The following THSD7A variants were observed in gnomAD, a reference collection of about 807,000 sequenced individuals.
THSD7A encodes thrombospondin type 1 domain containing 7A.
In THSD7A, 96 loss-of-function variants were observed where a neutral mutation model predicts 231.3. That is an observed-to-expected ratio of 0.41 (90% confidence interval 0.35 to 0.49). THSD7A has a LOEUF of 0.49. Among genes scored for constraint, THSD7A ranks in the 20% least tolerant of loss-of-function variants. The probability of loss-of-function intolerance (pLI) is 0.05; values close to 1 mark genes in which losing one functional copy is unlikely to be tolerated. For missense variants in THSD7A, 2,290 were observed against 2,070.2 expected (o/e 1.11, Z -2.06); for synonymous variants, 940 against 743.3 (o/e 1.26, Z -4.30).
At chr7:11,597,584 T>C (rs573297137) in intron 2 of THSD7A, among the ~76,000 whole-genome samples, 1 of 152,250 alleles carries the variant, frequency 6.6e-6, no homozygotes, top group African/African-American at 2.4e-5. Context: ...CCTCTAGGAT[T>C]TTGGAACAAG....
At chr7:11,440,345 T>A (rs1784764226) in intron 13 of THSD7A, among the ~76,000 whole-genome samples, 1 of 152,064 alleles carries the variant, frequency 6.6e-6, no homozygotes, top group African/African-American at 2.4e-5. Flanking sequence ...TAACACAATA[T>A]CTATTCTGCA....
At chr7:11,642,015 C>T (rs1782102057) in intron 1 of THSD7A, among the ~76,000 whole-genome samples, 1 of 152,148 alleles carries the variant, frequency 6.6e-6, no homozygotes, top group South Asian at 2.1e-4. Context: ...AAAGGGACCA[C>T]ATCTAAAAAT....
At position 11,636,421 on chromosome 7, in the gene THSD7A, C is replaced by G; in HGVS notation, c.731G>C (p.Ser244Thr). The change falls in exon 2 of 28, where the codon AGT becomes ACT. Residue 244 changes from serine (S) to threonine (T), a missense_variant. Physicochemically the swap from Ser to Thr is moderately conservative, Grantham distance 58 (BLOSUM62 1). Coordinates refer to ENST00000423059, the MANE Select transcript of THSD7A (RefSeq NM_015204.3). This position sits in a 1 kb window ranked among gnomAD's most constrained non-coding sequence, Gnocchi z 10.0. ...CCTGAGCTCCTCGGCCTCGCATGGA[C>G]TGGATTGGCACACCTGGAACTCCGT... ...NLTEFQVCQSSPCEAEELRYS... is the reference protein window; with the variant it reads ...NLTEFQVCQSTPCEAEELRYS... 1.2e-6 allele frequency: 2 copies of G among 1,613,710 alleles called. No homozygotes were observed. The highest frequency in any genetic ancestry group is 1.7e-6 in the Non-Finnish European group (2 of 1,179,854).
rs755774138 is a variant in THSD7A at position 11,462,082 on chromosome 7, C to G, written c.2430G>C (p.Gly810=). ...HRVIIQLPAN[G]GRDCTDPLYE... ...AGAGGGGATCTGTGCAGTCTCGGCC[C>G]CCGTTGGCTGGCAGCTGAATGATGA... The change falls in exon 10 of 28, where the codon GGG becomes GGC. Residue 810 remains glycine (G), a synonymous_variant. Transcript: ENST00000423059. The G allele has an allele frequency of 2.5e-6, 4 of 1,613,792 alleles. No homozygotes were observed. The highest frequency in any genetic ancestry group is 3.4e-6 in the Non-Finnish European group (4 of 1,179,766).
At chr7:11,658,826 A>C (rs1476952356) in intron 1 of THSD7A, among the ~76,000 whole-genome samples, 1 of 151,700 alleles carries the variant, frequency 6.6e-6, no homozygotes, top group African/African-American at 2.4e-5. Context: ...AGCTTCTGGA[A>C]TATAAGTTTT....
At chr7:11,823,840 C>G (rs558205118) in intron 1 of THSD7A, among the ~76,000 whole-genome samples, 59 of 151,966 alleles carry the variant, frequency 3.9e-4, no homozygotes, top group African/African-American at 1.4e-3. Context: ...TACATAGGAA[C>G]TACATGCATG....
At chr7:11,519,427 T>C (rs1212021945) in intron 6 of THSD7A, among the ~76,000 whole-genome samples, 1 of 152,212 alleles carries the variant, frequency 6.6e-6, no homozygotes, top group African/African-American at 2.4e-5. Flanking sequence ...TCTCTTCGTA[T>C]ATGTTCAGCG....
chr7:11,697,248 G>A (rs901355426), intron 1 of THSD7A, among the ~76,000 whole-genome samples: 4 of 151,248 alleles, frequency 2.6e-5, no homozygotes, highest in Non-Finnish European at 4.4e-5. Flanking sequence ...AAACCTCATT[G>A]CATTACATTT....
intron 23 of THSD7A, among the ~76,000 whole-genome samples, chr7:11,388,774 A>G (rs1403558597): frequency 6.6e-6 from 1 of 152,078 alleles, no homozygotes; most frequent in Admixed American, 6.6e-5. Flanking sequence ...ATTTTAGATC[A>G]TTCCTGCTTT....
intron 1 of THSD7A, among the ~76,000 whole-genome samples, chr7:11,728,637 G>C (rs918068611): frequency 2.0e-5 from 3 of 151,884 alleles, no homozygotes; most frequent in African/African-American, 7.2e-5. Context: ...TTTGAATTAT[G>C]ATTTGCATCA....
intron 1 of THSD7A, among the ~76,000 whole-genome samples, chr7:11,770,018 G>C (rs1389995654): frequency 6.6e-6 from 1 of 151,954 alleles, no homozygotes; most frequent in East Asian, 1.9e-4. Context: ...GCTTTGAATA[G>C]TGGTGATTCA....
intron 1 of THSD7A, among the ~76,000 whole-genome samples, chr7:11,758,072 T>A (rs1267864375): frequency 4.0e-5 from 6 of 149,866 alleles, no homozygotes; most frequent in Non-Finnish European, 7.4e-5. Context: ...AAGCCCCTAA[T>A]AAATAAGTGC....
At chr7:11,761,550 A>C (rs1194719947) in intron 1 of THSD7A, among the ~76,000 whole-genome samples, 1 of 152,134 alleles carries the variant, frequency 6.6e-6, no homozygotes, top group African/African-American at 2.4e-5. Flanking sequence ...GTGTGTATAT[A>C]TCTACATGTA....
At chr7:11,498,575 G>A (rs1787203750) in intron 6 of THSD7A, among the ~76,000 whole-genome samples, 1 of 152,072 alleles carries the variant, frequency 6.6e-6, no homozygotes, top group African/African-American at 2.4e-5. Flanking sequence ...GAAGTGACCG[G>A]GGGCTGAAGT....
intron 6 of THSD7A, among the ~76,000 whole-genome samples, chr7:11,493,409 G>A (rs1786977739): frequency 6.6e-6 from 1 of 152,034 alleles, no homozygotes; most frequent in Non-Finnish European, 1.5e-5. Flanking sequence ...AAACCTGATG[G>A]GAAGTTTCTA....
chr7:11,661,188 C>T (rs984096578), intron 1 of THSD7A, among the ~76,000 whole-genome samples: 2 of 151,362 alleles, frequency 1.3e-5, no homozygotes, highest in African/African-American at 4.8e-5. Flanking sequence ...TTAATAAAGA[C>T]TAAAATTCAG....
intron 2 of THSD7A, among the ~76,000 whole-genome samples, chr7:11,635,359 T>C (rs1034799885): frequency 3.3e-5 from 5 of 152,216 alleles, no homozygotes; most frequent in African/African-American, 1.2e-4. Flanking sequence ...GTCTGGTTTA[T>C]CCAAGAGCAA....
In THSD7A at chr7:11,572,618, C is replaced by A. The variant is rs183700023; in HGVS notation, c.1453+17842G>T. On this transcript the variant is annotated intron_variant, in intron 4 of 27. Coordinates refer to ENST00000423059, the MANE Select transcript of THSD7A (RefSeq NM_015204.3). ...CAACCTCCTAGGCTCAGTGATCCTCCCACCTCAGCCTCCTGAATACCTGGG... is the reference window on the plus strand; with the variant it reads ...CAACCTCCTAGGCTCAGTGATCCTCACACCTCAGCCTCCTGAATACCTGGG... 4.3e-3 allele frequency among the ~76,000 whole-genome samples: 653 copies of A among 152,226 alleles called. 8 individuals are homozygous for A. Among genetic ancestry groups the A allele is most frequent in the African/African-American group, 0.015 (615 of 41,522 alleles).
At chr7:11,550,402 C>T (rs1562710020) in intron 4 of THSD7A, among the ~76,000 whole-genome samples, 2 of 152,116 alleles carry the variant, frequency 1.3e-5, no homozygotes, top group African/African-American at 4.8e-5. Flanking sequence ...TCTGTGTCCC[C>T]ACCCAAATCT....
Sources: allele counts gnomAD v4.1 joint callset (sites outside exome capture counted in the v4.1 genomes callset), GRCh38; gene constraint gnomAD v4.1.1; non-coding constraint Gnocchi (gnomAD v3.1); transcripts MANE v1.5; gene names NCBI Gene and HGNC (gene_info 2026-07-23, HGNC 2026-07-21).